The following OVCH1 variants were observed in gnomAD, a reference collection of about 807,000 sequenced individuals.
The protein encoded by OVCH1 is ovochymase-1.
OVCH1 carries 139 observed loss-of-function variants against 138.4 expected under a neutral mutation model. The observed-to-expected ratio is 1.00, with a 90% CI of 0.87 to 1.16. The LOEUF (loss-of-function observed/expected upper bound fraction) is 1.16. OVCH1 is among the 50% of genes most tolerant of loss of function. The pLI is 0.00. For missense variants in OVCH1, 1,367 were observed against 1,357.9 expected (o/e 1.01, Z -0.11); for synonymous variants, 453 against 467.8 (o/e 0.97, Z 0.41).
intron 16 of OVCH1, among the ~76,000 whole-genome samples, chr12:29,465,843 A>G (rs1037482008): frequency 2.0e-5 from 3 of 152,022 alleles, no homozygotes; most frequent in Non-Finnish European, 4.4e-5. Flanking sequence ...ACTTGGAACC[A>G]ACCCAAACAT....
chr12:29,407,656 A>G (rs1158850351), downstream of OVCH1, among the ~76,000 whole-genome samples: 4 of 151,972 alleles, frequency 2.6e-5, no homozygotes, highest in Non-Finnish European at 5.9e-5. Flanking sequence ...GTTCTGTTCC[A>G]TTGGTCTCTA....
At chr12:29,450,342 A>G (rs980362924) in intron 22 of OVCH1, among the ~76,000 whole-genome samples, 1 of 152,228 alleles carries the variant, frequency 6.6e-6, no homozygotes, top group Non-Finnish European at 1.5e-5. Context: ...AATCCCATCA[A>G]AAAGTGGGCA....
At chr12:29,476,755 GCACACACACACA>G (rs548409739) in intron 12 of OVCH1, among the ~76,000 whole-genome samples, 4,479 of 103,320 alleles carry the variant, frequency 0.043, 174 homozygotes, top group African/African-American at 0.094. Context: ...ACACACGCGC[GCACACACACACA>G]CACACACACA....
chr12:29,479,295 A>T (rs1433868377), intron 8 of OVCH1, among the ~76,000 whole-genome samples: 1 of 152,186 alleles, frequency 6.6e-6, no homozygotes, highest in Non-Finnish European at 1.5e-5. Flanking sequence ...CATACTATTC[A>T]CCCAGAGGTT....
At chr12:29,496,228 T>A in exon 3 of OVCH1, 1 of 1,609,824 alleles carries the variant, frequency 6.2e-7, no homozygotes, top group Non-Finnish European at 8.5e-7. Context: ...CCCGATCTTC[T>A]TGAATCAAGC....
At chr12:29,445,130 CT>C (rs1941578316) in intron 23 of OVCH1, 147 bp downstream of exon 23, 3 of 873,020 alleles carry the variant, frequency 3.4e-6, no homozygotes, top group Non-Finnish European at 4.9e-6. Flanking sequence ...TCTTAGGTGA[CT>C]TAAGTAGATT....
At chr12:29,440,258 T>C (rs999428667) in intron 25 of OVCH1, among the ~76,000 whole-genome samples, 1 of 152,174 alleles carries the variant, frequency 6.6e-6, no homozygotes, top group Non-Finnish European at 1.5e-5. Context: ...GTCATAAAAC[T>C]TTTGGGGAGA....
chr12:29,407,641 G>A (rs1940901198), downstream of OVCH1, among the ~76,000 whole-genome samples: 1 of 151,986 alleles, frequency 6.6e-6, no homozygotes, highest in Non-Finnish European at 1.5e-5. Context: ...GTTTCTGAGG[G>A]CTCTGTTCTG....
chr12:29,455,004 A>G (rs1343048378), intron 20 of OVCH1, 71 bp from the exon 21 acceptor site: 7 of 1,309,348 alleles, frequency 5.3e-6, no homozygotes, highest in Non-Finnish European at 7.5e-6. Context: ...GCACTAAAGC[A>G]GCCACTATCA....
the OVCH1 span, among the ~76,000 whole-genome samples, chr12:29,405,046 AAAAAAAAAAAC>A: frequency 4.0e-5 from 6 of 150,104 alleles, no homozygotes; most frequent in African/African-American, 1.5e-4. Context: ...AAAAAAAAAA[AAAAAAAAAAAC>A]AAAAGAAATG....
At chr12:29,428,918 A>G (rs1435974013) in intron 27 of OVCH1, among the ~76,000 whole-genome samples, 1 of 152,250 alleles carries the variant, frequency 6.6e-6, no homozygotes, top group Admixed American at 6.5e-5. Context: ...CTCAAGCATG[A>G]CAGACACTAT....
chr12:29,434,578 A>G (rs1941324979), intron 26 of OVCH1, among the ~76,000 whole-genome samples: 1 of 152,134 alleles, frequency 6.6e-6, no homozygotes, highest in Non-Finnish European at 1.5e-5. Context: ...CAAATAGGGA[A>G]AAAATGGACT....
At chr12:29,424,593 T>C (rs150113986), downstream of OVCH1, among the ~76,000 whole-genome samples, 1 of 152,302 alleles carries the variant, frequency 6.6e-6, no homozygotes, top group East Asian at 1.9e-4. Flanking sequence ...AGCTTAGTGC[T>C]TACAGGCACA....
chr12:29,495,596 G>A (rs1943393803), intron 3 of OVCH1, 139 bp from the exon 4 acceptor site: 2 of 734,794 alleles, frequency 2.7e-6, no homozygotes, highest in East Asian at 5.9e-5. Flanking sequence ...TTATTATTGA[G>A]TATTACCAAT....
In OVCH1 at chr12:29,473,115, A is replaced by C; in HGVS notation, c.1601-12T>G. ...TTTGTTTAAAGACTCTGTAGAAGAA[A>C]AAAAAATTAATTGAAAGTAATTAGA... On this transcript the variant is annotated splice_polypyrimidine_tract_variant and intron_variant, in intron 14 of 27. Transcript: ENST00000318184. The C allele has an allele frequency of 6.4e-7, 1 of 1,565,558 alleles. No individual in the cohort carries two copies. Among genetic ancestry groups the C allele is most frequent in the Non-Finnish European group, 8.7e-7 (1 of 1,149,376 alleles).
intron 22 of OVCH1, among the ~76,000 whole-genome samples, chr12:29,449,281 ACACACACACACACAC>A (rs1941709247): frequency 1.2e-5 from 1 of 86,342 alleles, no homozygotes; most frequent in Admixed American, 1.1e-4. Context: ...CTCCCTACAC[ACACACACACACACAC>A]ACACACACAC....
At chr12:29,426,718 A>G (rs1033561828), downstream of OVCH1, among the ~76,000 whole-genome samples, 2 of 152,118 alleles carry the variant, frequency 1.3e-5, no homozygotes, top group African/African-American at 2.4e-5. Context: ...TCTCCATTCT[A>G]TCTCCAGATC....
chr12:29,402,669 GGTT>G, the OVCH1 span, among the ~76,000 whole-genome samples: 1 of 151,120 alleles, frequency 6.6e-6, no homozygotes, highest in South Asian at 2.1e-4. Flanking sequence ...AGAAGAGGGA[GGTT>G]GTTAATTGAA....
intron 3 of OVCH1, among the ~76,000 whole-genome samples, chr12:29,420,487 T>TAAAATGAAAAACTATTAGTGGTATGTGTA (rs1482021829): frequency 3.4e-4 from 13 of 38,748 alleles, no homozygotes; most frequent in South Asian, 1.9e-3. Context: ...AAGCAGCTTT[T>TAAAATGAAAAACTATTAGTGGTATGTGTA]TTTTTTTTTT....
Sources: gnomAD v4.1 joint callset for allele counts (sites outside exome capture counted in the v4.1 genomes callset) on GRCh38, gnomAD v4.1.1 for gene constraint, MANE v1.5 for transcripts, NCBI Gene and HGNC (gene_info 2026-07-23, HGNC 2026-07-21) for gene names.